The following TMEM108 variants were observed in gnomAD, a reference collection of about 807,000 sequenced individuals.
The protein encoded by TMEM108 is cancer/testis antigen 124.
TMEM108 carries 12 observed loss-of-function variants against 35.1 expected under a neutral mutation model. That is an observed-to-expected ratio of 0.34 (90% CI 0.22 to 0.55). TMEM108 has a LOEUF of 0.55. Among genes scored for constraint, TMEM108 ranks in the 20% least tolerant of loss-of-function variants. TMEM108 has a pLI of 0.89. For synonymous variants in TMEM108, 287 were observed against 308.6 expected, an observed-to-expected ratio of 0.93 and a Z score of 0.73; for missense variants, 680 against 753.3, an observed-to-expected ratio of 0.90 and a Z score of 1.14.
At chr3:133,061,075 G>A (rs1011455941) in intron 2 of TMEM108, among the ~76,000 whole-genome samples, 8 of 152,028 alleles carry the variant, frequency 5.3e-5, no homozygotes, top group South Asian at 2.1e-4. Flanking sequence ...ACATAAAATT[G>A]TTTGTAAATG....
intron 3 of TMEM108, among the ~76,000 whole-genome samples, chr3:133,299,305 C>A (rs1208950375): frequency 6.6e-6 from 1 of 152,120 alleles, no homozygotes; most frequent in Non-Finnish European, 1.5e-5. Flanking sequence ...GATAGATTAA[C>A]CAACAGTTGA....
chr3:133,395,817 C>T, intron 5 of TMEM108, 47 bp from the exon 6 acceptor site: 1 of 1,490,076 alleles, frequency 6.7e-7, no homozygotes, highest in Non-Finnish European at 8.9e-7. Context: ...ATGGCCACCT[C>T]TTAAGCCTTC....
At chr3:133,326,819 T>C (rs974779032) in intron 3 of TMEM108, among the ~76,000 whole-genome samples, 37 of 152,198 alleles carry the variant, frequency 2.4e-4, no homozygotes, top group African/African-American at 8.7e-4. Context: ...GCCTTTGACA[T>C]GTTTTAGCCT....
chr3:133,329,979 G>T (rs942299047), intron 3 of TMEM108, among the ~76,000 whole-genome samples: 1 of 152,118 alleles, frequency 6.6e-6, no homozygotes, highest in Non-Finnish European at 1.5e-5. Flanking sequence ...TCCAAGGAAT[G>T]AGTTTCCACC....
At chr3:133,101,658 T>C (rs545263802) in intron 2 of TMEM108, among the ~76,000 whole-genome samples, 37 of 152,368 alleles carry the variant, frequency 2.4e-4, no homozygotes, top group Middle Eastern at 3.4e-3. Context: ...GAGAGATTAG[T>C]ATCTTAAAAT....
intron 3 of TMEM108, among the ~76,000 whole-genome samples, chr3:133,271,364 T>A (rs923033634): frequency 3.3e-5 from 5 of 152,316 alleles, no homozygotes; most frequent in South Asian, 4.1e-4. Context: ...AAAATATTAA[T>A]TTTTTAACCT....
chr3:133,335,278 A>G (rs2071470355), intron 3 of TMEM108, among the ~76,000 whole-genome samples: 2 of 152,222 alleles, frequency 1.3e-5, no homozygotes, highest in East Asian at 3.8e-4. Flanking sequence ...CAAATGACAC[A>G]AAAGATTTAC....
At chr3:133,336,227 G>A (rs997871228) in intron 3 of TMEM108, among the ~76,000 whole-genome samples, 4 of 152,138 alleles carry the variant, frequency 2.6e-5, no homozygotes, top group African/African-American at 9.7e-5. Context: ...CACCAGCTGG[G>A]AGTGCTTATG....
intron 3 of TMEM108, among the ~76,000 whole-genome samples, chr3:133,255,718 G>C (rs1260677447): frequency 6.6e-6 from 1 of 152,168 alleles, no homozygotes; most frequent in African/African-American, 2.4e-5. Context: ...GCTGGGCGTG[G>C]TGGCTCACGC....
chr3:133,273,835 G>A (rs1156827429), intron 3 of TMEM108, among the ~76,000 whole-genome samples: 2 of 152,116 alleles, frequency 1.3e-5, no homozygotes, highest in Admixed American at 6.5e-5. Context: ...AGAGATGGAC[G>A]ACTCACTACC....
intron 3 of TMEM108, among the ~76,000 whole-genome samples, chr3:133,328,604 G>T (rs181614248): frequency 3.9e-5 from 6 of 152,248 alleles, no homozygotes; most frequent in African/African-American, 1.4e-4. Context: ...TACTCAAGCA[G>T]GGTGAGAACA....
intron 3 of TMEM108, among the ~76,000 whole-genome samples, chr3:133,323,688 A>T (rs189598609): frequency 6.6e-6 from 1 of 152,228 alleles, no homozygotes; most frequent in African/African-American, 2.4e-5. Context: ...TAAAATTCAT[A>T]TGGAACCATA....
chr3:133,044,129 A>G (rs969512470), intron 1 of TMEM108, among the ~76,000 whole-genome samples: 5 of 152,198 alleles, frequency 3.3e-5, no homozygotes, highest in African/African-American at 4.8e-5. Context: ...TTGCTTTAGT[A>G]GAAGAATAGA....
intron 2 of TMEM108, among the ~76,000 whole-genome samples, chr3:133,061,211 CCTT>C (rs1327539635): frequency 7.2e-6 from 1 of 138,664 alleles, no homozygotes; most frequent in African/African-American, 2.7e-5. Flanking sequence ...GGGCATGTCT[CCTT>C]TTTTTTTTTT....
rs766756057 is a variant in TMEM108, at chr3:133,380,966, T to A, written c.1255T>A (p.Ser419Thr). ...GACCGACCGGGTGCCCAGTCCTCTC[T>A]CCACAGTGGTATCCACAGCCACAGG... ...TMTDRVPSPL[S>T]TVVSTATGNF... The change falls in exon 4 of 6, where the codon TCC (serine) becomes ACC (threonine). Residue 419 changes from serine (S) to threonine (T), a missense_variant. Transcript: ENST00000321871. The surrounding 1 kb of genome is among the most constrained non-coding windows in gnomAD (Gnocchi z 5.3). The A allele has an allele frequency of 6.2e-7, 1 of 1,614,102 alleles. No individual in the cohort carries two copies. The highest frequency in any genetic ancestry group is 1.1e-5 in the South Asian group (1 of 91,078).
intron 2 of TMEM108, among the ~76,000 whole-genome samples, chr3:133,226,356 C>T (rs1174264050): frequency 2.6e-5 from 4 of 152,178 alleles, no homozygotes; most frequent in African/African-American, 9.7e-5. Context: ...TGTAAATTTC[C>T]TCTACAAGAG....
intron 3 of TMEM108, among the ~76,000 whole-genome samples, chr3:133,249,645 CT>C (rs1349365111): frequency 1.3e-5 from 2 of 151,936 alleles, no homozygotes; most frequent in Non-Finnish European, 2.9e-5. Context: ...TGGTTTTATT[CT>C]TTTTTATGGC....
intron 2 of TMEM108, among the ~76,000 whole-genome samples, chr3:133,061,228 T>C (rs1943530640): frequency 6.6e-6 from 1 of 150,826 alleles, no homozygotes; most frequent in African/African-American, 2.4e-5. Flanking sequence ...TTTTTTTTTT[T>C]TGAGACAGAG....
At chr3:133,354,856 C>G (rs569258836) in intron 3 of TMEM108, among the ~76,000 whole-genome samples, 12 of 148,524 alleles carry the variant, frequency 8.1e-5, no homozygotes, top group Non-Finnish European at 1.3e-4. Flanking sequence ...TTACACATTC[C>G]TTTGGCATAT....
Sources: allele counts gnomAD v4.1 joint callset (sites outside exome capture counted in the v4.1 genomes callset), GRCh38; gene constraint gnomAD v4.1.1; non-coding constraint Gnocchi (gnomAD v3.1); transcripts MANE v1.5; gene names NCBI Gene and HGNC (gene_info 2026-07-23, HGNC 2026-07-21).